LIMCH1: variants seen among roughly 807,000 people sequenced by gnomAD.
LIMCH1 encodes the protein LIM and calponin homology domains 1, also known as LIM and calponin homology domains-containing protein 1.
Under a neutral mutation model 176.5 loss-of-function variants are expected in LIMCH1, and 113 were observed. The ratio of observed to expected loss-of-function variants is 0.64; its 90% CI spans 0.55 to 0.75. LIMCH1 has a LOEUF of 0.75. LIMCH1 is among the 30% of genes least tolerant of loss of function. LIMCH1 has a pLI of 0.00. For missense variants in LIMCH1, 1,674 were observed against 1,814.9 expected, an observed-to-expected ratio of 0.92 and a Z score of 1.41; for synonymous variants, 619 against 645.9, an observed-to-expected ratio of 0.96 and a Z score of 0.63.
intron 1 of LIMCH1, among the ~76,000 whole-genome samples, chr4:41,547,261 T>C (rs1215243468): frequency 6.6e-6 from 1 of 152,164 alleles, no homozygotes. Context: ...ACTCCTCCTG[T>C]CTAACTGGAA....
chr4:41,568,845 C>G (rs531005701), intron 1 of LIMCH1, among the ~76,000 whole-genome samples: 18 of 152,270 alleles, frequency 1.2e-4, no homozygotes, highest in African/African-American at 4.3e-4. Flanking sequence ...CCTCTCTATT[C>G]AGGTTATGTG....
chr4:41,520,756 T>C (rs1425525685), intron 2 of LIMCH1, among the ~76,000 whole-genome samples: 1 of 152,206 alleles, frequency 6.6e-6, no homozygotes, highest in African/African-American at 2.4e-5. Context: ...TAGTTGTGGG[T>C]ATATTTAGCA....
At chr4:41,476,255 A>C (rs112833912) in intron 1 of LIMCH1, among the ~76,000 whole-genome samples, 1 of 152,252 alleles carries the variant, frequency 6.6e-6, no homozygotes, top group Admixed American at 6.5e-5. Context: ...TTGGTTAAAC[A>C]TGATTCTCAC....
At chr4:41,596,769 C>T (rs924137881) in intron 1 of LIMCH1, among the ~76,000 whole-genome samples, 1 of 152,028 alleles carries the variant, frequency 6.6e-6, no homozygotes, top group African/African-American at 2.4e-5. Flanking sequence ...GGAAAGTAAC[C>T]GAAGGAGAAA....
intron 4 of LIMCH1, chr4:41,612,562 C>G (rs2091559314): frequency 2.8e-6 from 2 of 702,456 alleles, no homozygotes; most frequent in African/African-American, 3.5e-5. Flanking sequence ...GTAATTAATG[C>G]TAAGACACTG....
At chr4:41,480,730 C>T (rs1353306044) in intron 1 of LIMCH1, among the ~76,000 whole-genome samples, 1 of 152,042 alleles carries the variant, frequency 6.6e-6, no homozygotes, top group Non-Finnish European at 1.5e-5. Flanking sequence ...TACGAGCTCT[C>T]CACTAGTCCA....
chr4:41,467,158 TAC>T (rs148147336), intron 1 of LIMCH1, among the ~76,000 whole-genome samples: 11,789 of 143,220 alleles, frequency 0.082, 611 homozygotes, highest in Non-Finnish European at 0.11. Flanking sequence ...TATGTATATA[TAC>T]ACACACACAC....
chr4:41,689,722 C>A, intron 30 of LIMCH1, 87 bp downstream of exon 30: 1 of 818,756 alleles, frequency 1.2e-6, no homozygotes, highest in Non-Finnish European at 2.1e-6. Flanking sequence ...CTTGGAAATT[C>A]TGGAGGGCTT....
intron 2 of LIMCH1, among the ~76,000 whole-genome samples, chr4:41,519,739 G>T (rs1001593910): frequency 2.6e-5 from 4 of 152,180 alleles, no homozygotes; most frequent in Non-Finnish European, 4.4e-5. Context: ...GTAAATGAAT[G>T]AATTTGCAAG....
intron 2 of LIMCH1, 61 bp from the exon 3 acceptor site, chr4:41,603,814 A>G: frequency 1.7e-6 from 2 of 1,182,020 alleles, no homozygotes; most frequent in African/African-American, 1.5e-5. Context: ...GCATTTAAGG[A>G]AAGGTCACAA....
At chr4:41,456,616 T>C (rs2064639436) in intron 1 of LIMCH1, among the ~76,000 whole-genome samples, 1 of 151,980 alleles carries the variant, frequency 6.6e-6, no homozygotes, top group African/African-American at 2.4e-5. Flanking sequence ...CCATCTGCTC[T>C]AGTTATTAGG....
At chr4:41,419,163 A>T (rs2060214402) in intron 1 of LIMCH1, among the ~76,000 whole-genome samples, 1 of 83,406 alleles carries the variant, frequency 1.2e-5, no homozygotes, top group Admixed American at 1.3e-4. Flanking sequence ...ATTTTATTTT[A>T]TTTCATTTTA....
intron 1 of LIMCH1, among the ~76,000 whole-genome samples, chr4:41,367,682 T>A (rs1254606475): frequency 2.4e-3 from 147 of 60,868 alleles, no homozygotes; most frequent in South Asian, 4.3e-3. Context: ...CTACTAAAAA[T>A]CCAAAAAAAA....
At chr4:41,602,031 C>T (rs368149592) in intron 2 of LIMCH1, among the ~76,000 whole-genome samples, 170 of 144,290 alleles carry the variant, frequency 1.2e-3, no homozygotes, top group African/African-American at 3.9e-3. Context: ...TCAGAAAATA[C>T]TCTTTCATTT....
At chr4:41,496,455 C>T (rs986158434) in intron 2 of LIMCH1, among the ~76,000 whole-genome samples, 1 of 152,180 alleles carries the variant, frequency 6.6e-6, no homozygotes, top group Non-Finnish European at 1.5e-5. Flanking sequence ...GCAAGGAAAG[C>T]CAGTAGCGTG....
chr4:41,502,430 A>G (rs2073470129), intron 2 of LIMCH1, among the ~76,000 whole-genome samples: 1 of 152,120 alleles, frequency 6.6e-6, no homozygotes, highest in African/African-American at 2.4e-5. Context: ...ATACCCAGTA[A>G]TGGGATCGCT....
chr4:41,403,306 C>T (rs2058653222), intron 1 of LIMCH1, among the ~76,000 whole-genome samples: 1 of 152,114 alleles, frequency 6.6e-6, no homozygotes, highest in Admixed American at 6.6e-5. Context: ...TCACGCCGGG[C>T]ACGGTGGTTC....
chr4:41,538,808 C>T (rs1350510910), intron 1 of LIMCH1, among the ~76,000 whole-genome samples: 2 of 152,024 alleles, frequency 1.3e-5, no homozygotes, highest in Non-Finnish European at 2.9e-5. Context: ...TCCACAGCCC[C>T]CTTTGCTTTT....
chr4:41,481,269 A>C (rs1470519091), intron 1 of LIMCH1, among the ~76,000 whole-genome samples: 1 of 152,190 alleles, frequency 6.6e-6, no homozygotes, highest in Non-Finnish European at 1.5e-5. Flanking sequence ...ATTGTTATTA[A>C]AGAAAGTGTA....
Sources: allele counts gnomAD v4.1 joint callset (sites outside exome capture counted in the v4.1 genomes callset), GRCh38; gene constraint gnomAD v4.1.1; transcripts MANE v1.5; gene names NCBI Gene and HGNC (gene_info 2026-07-23, HGNC 2026-07-21).